Variants in TASP1 observed in about 807,000 individuals in gnomAD.
TASP1 encodes threonine aspartase 1.
A neutral mutation model predicts 56.6 loss-of-function variants in TASP1; 16 were observed. The ratio of observed to expected loss-of-function variants is 0.28; its 90% CI spans 0.19 to 0.43. The LOEUF (loss-of-function observed/expected upper bound fraction) is 0.43, where lower values mean the gene tolerates loss of function less well. Ranked by LOEUF, TASP1 falls within the 20% of genes least tolerant of loss-of-function variation. The probability of loss-of-function intolerance (pLI) is 1.00; values close to 1 mark genes in which losing one functional copy is unlikely to be tolerated. For synonymous variants in TASP1, 179 were observed against 184.2 expected, an observed-to-expected ratio of 0.97 and a Z score of 0.23; for missense variants, 393 against 511.6, an observed-to-expected ratio of 0.77 and a Z score of 2.24.
the TASP1 span, among the ~76,000 whole-genome samples, chr20:13,129,309 G>GT: frequency 1.3e-5 from 2 of 152,116 alleles, no homozygotes; most frequent in African/African-American, 4.8e-5. Context: ...TCTTAAACAG[G>GT]TATCTTTTAA....
Position 13,547,996 on chromosome 20 carries a change from A to C in TASP1, c.675+11012T>G, listed in dbSNP as rs183509070. ...GCAGCACAATAGCTTAAAGAGAGAG[A>C]AGAAGGAAGGAGACAGGCAACATTC... On this transcript the variant is annotated intron_variant, in intron 8 of 13. Transcript: ENST00000337743. Among the ~76,000 whole-genome samples the C allele has an allele frequency of 2.6e-3, 390 of 152,156 alleles. 2 individuals are homozygous for C. Among genetic ancestry groups the C allele is most frequent in the African/African-American group, 9.1e-3 (378 of 41,512 alleles).
chr20:13,505,935 T>C (rs916943551), intron 10 of TASP1, among the ~76,000 whole-genome samples: 1 of 151,690 alleles, frequency 6.6e-6, no homozygotes, highest in Non-Finnish European at 1.5e-5. Context: ...AAATCAAGAC[T>C]AGATAACCAA....
intron 4 of TASP1, among the ~76,000 whole-genome samples, chr20:13,606,772 AC>A (rs1233393236): frequency 6.8e-6 from 1 of 146,644 alleles, no homozygotes; most frequent in East Asian, 2.0e-4. Flanking sequence ...ACGCCACTGC[AC>A]TCCAGCCTGG....
chr20:13,507,410 G>A (rs541462692), intron 10 of TASP1, among the ~76,000 whole-genome samples: 42 of 152,134 alleles, frequency 2.8e-4, no homozygotes, highest in Non-Finnish European at 5.0e-4. Flanking sequence ...GCACGTGTCC[G>A]TAGTCCCACC....
the TASP1 span, among the ~76,000 whole-genome samples, chr20:13,330,584 C>T: frequency 6.6e-6 from 1 of 152,148 alleles, no homozygotes. Flanking sequence ...TCATGTAGAA[C>T]TGTTATTATG....
At chr20:13,606,203 A>C (rs1568642295) in intron 4 of TASP1, among the ~76,000 whole-genome samples, 1 of 152,062 alleles carries the variant, frequency 6.6e-6, no homozygotes, top group Non-Finnish European at 1.5e-5. Flanking sequence ...CACAGTGATT[A>C]GTATTATAAA....
chr20:13,327,426 G>A, the TASP1 span, among the ~76,000 whole-genome samples: 3 of 151,874 alleles, frequency 2.0e-5, no homozygotes, highest in Non-Finnish European at 2.9e-5. Flanking sequence ...AACTACCATC[G>A]ACATTCTTCA....
the TASP1 span, among the ~76,000 whole-genome samples, chr20:13,311,206 T>G: frequency 9.6e-6 from 1 of 103,772 alleles, no homozygotes. Context: ...AAAAAATAGA[T>G]ATAGATAGAT....
At chr20:13,188,918 G>A in the TASP1 span, among the ~76,000 whole-genome samples, 4 of 152,166 alleles carry the variant, frequency 2.6e-5, no homozygotes, top group South Asian at 6.2e-4. Flanking sequence ...CAATCCCAGC[G>A]ACCATTCTTC....
chr20:13,375,873 T>C, the TASP1 span, among the ~76,000 whole-genome samples: 43,466 of 152,094 alleles, frequency 0.29, 7,244 homozygotes, highest in Non-Finnish European at 0.38. Flanking sequence ...TGCATAAATG[T>C]CTTCTTTTAA....
chr20:13,596,961 T>C (rs556107101), intron 4 of TASP1, among the ~76,000 whole-genome samples: 53 of 152,162 alleles, frequency 3.5e-4, no homozygotes, highest in African/African-American at 1.2e-3. Flanking sequence ...TGGACACACA[T>C]ACCCTCCCAA....
the TASP1 span, among the ~76,000 whole-genome samples, chr20:13,278,313 T>A: frequency 6.6e-6 from 1 of 152,200 alleles, no homozygotes; most frequent in African/African-American, 2.4e-5. Context: ...TCCAGGACTA[T>A]CTGCTCTGAC....
At chr20:13,136,395 G>C in the TASP1 span, among the ~76,000 whole-genome samples, 1 of 151,748 alleles carries the variant, frequency 6.6e-6, no homozygotes, top group Non-Finnish European at 1.5e-5. Flanking sequence ...TCAGAAATTC[G>C]AGACCAGCCT....
intron 10 of TASP1, among the ~76,000 whole-genome samples, chr20:13,490,186 G>A (rs1054198630): frequency 3.3e-5 from 5 of 152,030 alleles, no homozygotes; most frequent in African/African-American, 1.2e-4. Context: ...CTTTTTTAGG[G>A]GGGAAACCCA....
chr20:13,132,429 G>C, the TASP1 span, among the ~76,000 whole-genome samples: 2 of 151,826 alleles, frequency 1.3e-5, no homozygotes, highest in African/African-American at 4.8e-5. Context: ...CACCCACCTC[G>C]GCCTCCCAAA....
At chr20:13,553,493 T>C (rs1475749720) in intron 8 of TASP1, among the ~76,000 whole-genome samples, 1 of 152,154 alleles carries the variant, frequency 6.6e-6, no homozygotes, top group Non-Finnish European at 1.5e-5. Context: ...TTTCACAATA[T>C]AATACTACAG....
the TASP1 span, among the ~76,000 whole-genome samples, chr20:13,241,047 C>T: frequency 6.6e-6 from 1 of 152,064 alleles, no homozygotes; most frequent in Non-Finnish European, 1.5e-5. Context: ...TCACAGAAGC[C>T]AGGGGAGAAG....
At chr20:13,510,973 T>C (rs2044304986) in intron 10 of TASP1, among the ~76,000 whole-genome samples, 1 of 152,146 alleles carries the variant, frequency 6.6e-6, no homozygotes, top group African/African-American at 2.4e-5. Context: ...CAGAATGAAA[T>C]TTGATTTCCT....
intron 4 of TASP1, 110 bp from the exon 5 acceptor site, chr20:13,587,480 ACATAGT>A: frequency 3.5e-6 from 3 of 863,180 alleles, no homozygotes; most frequent in Non-Finnish European, 5.2e-6. Flanking sequence ...ACTTTCCAAC[ACATAGT>A]ATGATGCCAA....
Sources: allele counts gnomAD v4.1 joint callset (sites outside exome capture counted in the v4.1 genomes callset), GRCh38; gene constraint gnomAD v4.1.1; transcripts MANE v1.5; gene names NCBI Gene and HGNC (gene_info 2026-07-23, HGNC 2026-07-21).